Variants in CACNA2D3 observed in about 807,000 individuals in gnomAD.
CACNA2D3 encodes calcium voltage-gated channel auxiliary subunit alpha2delta 3.
CACNA2D3 carries 60 observed loss-of-function variants against 160.6 expected under a neutral mutation model. The ratio of observed to expected loss-of-function variants is 0.37; its 90% CI spans 0.30 to 0.46. The LOEUF is 0.46. Ranked by LOEUF, CACNA2D3 falls within the 20% of genes least tolerant of loss-of-function variation. CACNA2D3 has a pLI of 1.00. For missense variants in CACNA2D3, 1,205 were observed against 1,365.0 expected (o/e 0.88, Z 1.85); for synonymous variants, 558 against 492.9 (o/e 1.13, Z -1.75).
In CACNA2D3 at chr3:54,126,571, G is replaced by T. The variant is rs144003477; in HGVS notation, c.204+2977G>T. ...TTACTGAGCACAGGAATAGCAACCT[G>T]TTAGGTCCTTAGAAATAGGATAGTT... On this transcript the variant is annotated intron_variant, in intron 2 of 37. Coordinates refer to ENST00000474759, the MANE Select transcript of CACNA2D3 (RefSeq NM_018398.3). Among the ~76,000 whole-genome samples, 704 of 152,256 alleles carry T rather than the reference G, an allele frequency of 4.6e-3. 13 individuals are homozygous for T. Among genetic ancestry groups the T allele is most frequent in the Admixed American group, 0.033 (506 of 15,306 alleles).
intron 27 of CACNA2D3, among the ~76,000 whole-genome samples, chr3:54,915,980 G>C (rs1217678211): frequency 6.6e-6 from 1 of 152,186 alleles, no homozygotes; most frequent in African/African-American, 2.4e-5. Context: ...TTCTGTGGTG[G>C]ATCAGAAACT....
intron 11 of CACNA2D3, among the ~76,000 whole-genome samples, chr3:54,680,461 A>C (rs188959202): frequency 1.3e-5 from 2 of 152,360 alleles, no homozygotes; most frequent in East Asian, 3.9e-4. Context: ...AAGCTTCTTC[A>C]ACATGGCCCC....
At chr3:54,924,876 C>T in intron 27 of CACNA2D3, 1 of 1,613,798 alleles carries the variant, frequency 6.2e-7, no homozygotes, top group Non-Finnish European at 8.5e-7. Flanking sequence ...ATGGAAAAGT[C>T]TGCTTTCCAG....
At chr3:54,445,228 A>G (rs1368327131) in intron 4 of CACNA2D3, among the ~76,000 whole-genome samples, 2 of 152,228 alleles carry the variant, frequency 1.3e-5, no homozygotes, top group Non-Finnish European at 2.9e-5. Flanking sequence ...ACCCTGTGGA[A>G]AGCTAGGTCC....
At chr3:54,888,171 C>T (rs1559617931) in intron 24 of CACNA2D3, 119 bp downstream of exon 24, 2 of 785,940 alleles carry the variant, frequency 2.5e-6, no homozygotes, top group East Asian at 2.6e-5. Context: ...CTTTAATTTT[C>T]CCCCAAGCTC....
At chr3:54,494,741 C>T (rs748899313) in intron 4 of CACNA2D3, among the ~76,000 whole-genome samples, 2 of 152,146 alleles carry the variant, frequency 1.3e-5, no homozygotes, top group Non-Finnish European at 2.9e-5. Flanking sequence ...TTAATTGACT[C>T]ACAGTTCCAC....
intron 4 of CACNA2D3, among the ~76,000 whole-genome samples, chr3:54,405,632 G>T (rs183427531): frequency 6.6e-6 from 1 of 152,028 alleles, no homozygotes; most frequent in Non-Finnish European, 1.5e-5. Flanking sequence ...AAATATAGGG[G>T]GTAAACTCCT....
intron 13 of CACNA2D3, among the ~76,000 whole-genome samples, chr3:54,791,529 G>T (rs770277371): frequency 6.6e-6 from 1 of 152,206 alleles, no homozygotes; most frequent in South Asian, 2.1e-4. Flanking sequence ...TAACCAAACC[G>T]TGCATTTAAA....
intron 2 of CACNA2D3, among the ~76,000 whole-genome samples, chr3:54,157,881 A>G (rs1001014410): frequency 6.6e-6 from 1 of 152,130 alleles, no homozygotes; most frequent in East Asian, 1.9e-4. Context: ...TATCTGTGCA[A>G]AGATTCTTAG....
intron 2 of CACNA2D3, among the ~76,000 whole-genome samples, chr3:54,247,918 T>C (rs1403044287): frequency 1.3e-5 from 2 of 152,202 alleles, no homozygotes; most frequent in African/African-American, 4.8e-5. Context: ...CTCAAACTAC[T>C]GACCAAATAT....
At chr3:54,450,404 TA>T (rs1254307733) in intron 4 of CACNA2D3, among the ~76,000 whole-genome samples, 1 of 152,134 alleles carries the variant, frequency 6.6e-6, no homozygotes, top group Non-Finnish European at 1.5e-5. Context: ...CATCGACTCT[TA>T]AGTCCAAAAT....
intron 14 of CACNA2D3, among the ~76,000 whole-genome samples, chr3:54,824,659 A>G (rs1196206818): frequency 6.6e-6 from 1 of 152,136 alleles, no homozygotes; most frequent in Non-Finnish European, 1.5e-5. Flanking sequence ...CCCAGGATAC[A>G]TCGTCCTGAG....
At chr3:54,334,574 A>C (rs148706997) in intron 3 of CACNA2D3, among the ~76,000 whole-genome samples, 39 of 152,252 alleles carry the variant, frequency 2.6e-4, no homozygotes, top group Middle Eastern at 3.4e-3. Flanking sequence ...TGTGAAATGG[A>C]CGTGTTCTCA....
chr3:55,045,526 T>A (rs1054747634), intron 35 of CACNA2D3, among the ~76,000 whole-genome samples: 2 of 152,222 alleles, frequency 1.3e-5, no homozygotes, highest in African/African-American at 4.8e-5. Flanking sequence ...CATCTGGGCT[T>A]AGAGATTTCG....
chr3:54,161,747 C>G (rs1359481739), intron 2 of CACNA2D3, among the ~76,000 whole-genome samples: 1 of 152,236 alleles, frequency 6.6e-6, no homozygotes, highest in East Asian at 1.9e-4. Context: ...TTGCCATCCT[C>G]TTTCCATTGT....
chr3:54,275,608 T>C (rs1282303197), intron 2 of CACNA2D3, among the ~76,000 whole-genome samples: 1 of 152,060 alleles, frequency 6.6e-6, no homozygotes, highest in Non-Finnish European at 1.5e-5. Flanking sequence ...TAAAAGGTGA[T>C]AGGAAAGTAT....
At chr3:54,229,222 C>T (rs994263284) in intron 2 of CACNA2D3, among the ~76,000 whole-genome samples, 14 of 150,774 alleles carry the variant, frequency 9.3e-5, no homozygotes, top group Non-Finnish European at 2.1e-4. Context: ...GACGGAGTCT[C>T]GCTCTGTCGC....
chr3:54,511,387 C>G (rs963972612), intron 5 of CACNA2D3, among the ~76,000 whole-genome samples: 3 of 152,072 alleles, frequency 2.0e-5, no homozygotes, highest in Non-Finnish European at 2.9e-5. Context: ...AGCAGAGGAC[C>G]TGGAATAGAA....
At chr3:55,038,903 T>C (rs1028861684) in intron 35 of CACNA2D3, among the ~76,000 whole-genome samples, 1,118 of 84,662 alleles carry the variant, frequency 0.013, 41 homozygotes, top group African/African-American at 0.047. Flanking sequence ...TATATATATA[T>C]ATATACACAC....
Sources: gnomAD v4.1 joint callset for allele counts (sites outside exome capture counted in the v4.1 genomes callset) on GRCh38, gnomAD v4.1.1 for gene constraint, MANE v1.5 for transcripts, NCBI Gene and HGNC (gene_info 2026-07-23, HGNC 2026-07-21) for gene names.